PUM3: variants seen among roughly 807,000 people sequenced by gnomAD.
PUM3 encodes pumilio homolog 3.
A neutral mutation model predicts 84.0 loss-of-function variants in PUM3; 91 were observed. The observed-to-expected ratio is 1.08, with a 90% confidence interval of 0.91 to 1.29. The LOEUF is 1.29. PUM3 is among the 50% of genes most tolerant of loss of function. PUM3 has a pLI of 0.00. For synonymous variants in PUM3, 321 were observed against 266.7 expected, an observed-to-expected ratio of 1.20 and a Z score of -1.98; for missense variants, 1,067 against 767.5, an observed-to-expected ratio of 1.39 and a Z score of -4.61.
chr9:2,821,750 G>A (rs1586722443), intron 12 of PUM3, among the ~76,000 whole-genome samples: 3 of 152,132 alleles, frequency 2.0e-5, no homozygotes, highest in South Asian at 2.1e-4. Flanking sequence ...AGTGATTCTA[G>A]TTCTAGGGAT....
At chr9:2,836,199 A>C (rs1329111142) in intron 3 of PUM3, among the ~76,000 whole-genome samples, 1 of 152,152 alleles carries the variant, frequency 6.6e-6, no homozygotes, top group Admixed American at 6.5e-5. Context: ...GCCCTTAGGC[A>C]GGGTAAAAAG....
chr9:2,835,421 A>AC (rs757559632), intron 3 of PUM3, among the ~76,000 whole-genome samples: 59 of 152,190 alleles, frequency 3.9e-4, no homozygotes, highest in Non-Finnish European at 7.2e-4. Context: ...CCCTCAAAAA[A>AC]GAAAAAAATT....
chr9:2,815,335 A>G (rs12345166), intron 13 of PUM3, among the ~76,000 whole-genome samples: 9,014 of 152,220 alleles, frequency 0.059, 364 homozygotes, highest in African/African-American at 0.11. Context: ...TACACCTTTG[A>G]AAGAGTACTA....
intron 17 of PUM3, among the ~76,000 whole-genome samples, chr9:2,807,481 TAGTCTC>T (rs1184091439): frequency 1.3e-5 from 2 of 149,220 alleles, no homozygotes; most frequent in African/African-American, 5.0e-5. Flanking sequence ...CATGCGTCTG[TAGTCTC>T]AGCTACACAG....
At chr9:2,813,854 A>T (rs1202366232) in intron 13 of PUM3, among the ~76,000 whole-genome samples, 2 of 152,144 alleles carry the variant, frequency 1.3e-5, no homozygotes, top group African/African-American at 4.8e-5. Flanking sequence ...ACAGTAGCTA[A>T]CACTCGTTAA....
intron 1 of PUM3, among the ~76,000 whole-genome samples, chr9:2,841,267 T>C (rs1816257402): frequency 6.6e-6 from 1 of 152,254 alleles, no homozygotes; most frequent in Non-Finnish European, 1.5e-5. Flanking sequence ...TTCTTTTTTG[T>C]ATCCATTCAA....
chr9:2,821,461 A>AAAAAAAAAAAAAAAAAAAAAAAAAAAAAC (rs1815624021), intron 12 of PUM3, among the ~76,000 whole-genome samples: 1 of 150,564 alleles, frequency 6.6e-6, no homozygotes, highest in Non-Finnish European at 1.5e-5. Flanking sequence ...AAAAAAAAAA[A>AAAAAAAAAAAAAAAAAAAAAAAAAAAAAC]AGAACATGAA....
chr9:2,838,411 G>A lies in PUM3; in HGVS notation c.82+15C>T. 3.8e-6 allele frequency: 6 copies of A among 1,573,912 alleles called. No individual in the cohort carries two copies. The highest frequency in any genetic ancestry group is 5.2e-6 in the Non-Finnish European group (6 of 1,143,848). Reference sequence around the variant, plus strand: ...ATTATAACAGCCAAACACCCACATGGGAAGCATATCTTACCACTATTTTTA... The same window carrying A: ...ATTATAACAGCCAAACACCCACATGAGAAGCATATCTTACCACTATTTTTA... On this transcript the variant is annotated intron_variant, in intron 2 of 17. Coordinates refer to ENST00000397885, the MANE Select transcript of PUM3 (RefSeq NM_014878.5).
chr9:2,822,430 A>G (rs1401153000), intron 12 of PUM3, among the ~76,000 whole-genome samples: 1 of 152,040 alleles, frequency 6.6e-6, no homozygotes. Flanking sequence ...ATTCCAAATA[A>G]TCCATGGATC....
At chr9:2,807,374 C>T (rs1821279287) in intron 17 of PUM3, among the ~76,000 whole-genome samples, 1 of 151,812 alleles carries the variant, frequency 6.6e-6, no homozygotes, top group Admixed American at 6.6e-5. Flanking sequence ...GATGGGAGGA[C>T]TACTTGAGCC....
rs954882147 is a variant in PUM3 at position 2,831,407 on chromosome 9, T to C, written c.517-63A>G. On this transcript the variant is annotated intron_variant, in intron 5 of 17. Transcript: ENST00000397885. ...GAGACTTATGTTTCTCACTAATTTA[T>C]TGTGACCTCTTCTGGAATTTCTTGT... The C allele has an allele frequency of 1.8e-5, 18 of 1,012,924 alleles. No individual in the cohort carries two copies. The African/African-American group carries it at 2.1e-4, about 12-fold the overall frequency. The allele number at this position is 1,012,924 out of a possible 1,614,324, so 62.7% of individuals were successfully genotyped here.
intron 13 of PUM3, among the ~76,000 whole-genome samples, chr9:2,819,472 C>T (rs1190941891): frequency 6.6e-6 from 1 of 152,114 alleles, no homozygotes; most frequent in South Asian, 2.1e-4. Context: ...TTAATCTGAC[C>T]CTACAAAAGC....
At chr9:2,822,836 TCC>T (rs1436756105) in intron 12 of PUM3, among the ~76,000 whole-genome samples, 1 of 150,694 alleles carries the variant, frequency 6.6e-6, no homozygotes, top group East Asian at 1.9e-4. Context: ...ATATGAGAAT[TCC>T]ATATTTCACT....
chr9:2,814,375 T>C (rs1281484794), intron 13 of PUM3, among the ~76,000 whole-genome samples: 1 of 152,082 alleles, frequency 6.6e-6, no homozygotes, highest in Admixed American at 6.5e-5. Flanking sequence ...GACACCCAGC[T>C]TATTTTTGTA....
At chr9:2,805,442 A>G (rs577174471) in intron 17 of PUM3, among the ~76,000 whole-genome samples, 1 of 152,298 alleles carries the variant, frequency 6.6e-6, no homozygotes, top group South Asian at 2.1e-4. Context: ...AACACATTTT[A>G]GAAATGAGGT....
intron 1 of PUM3, among the ~76,000 whole-genome samples, chr9:2,840,358 C>G (rs939286421): frequency 2.6e-5 from 4 of 152,116 alleles, no homozygotes; most frequent in African/African-American, 9.7e-5. Context: ...AGAATCCAGG[C>G]ATACGTTAAA....
intron 1 of PUM3, among the ~76,000 whole-genome samples, chr9:2,843,103 C>G (rs548910266): frequency 1.1e-4 from 17 of 152,236 alleles, no homozygotes; most frequent in Non-Finnish European, 1.6e-4. Context: ...TTCTCACTTG[C>G]TTACAAGTCT....
chr9:2,833,309 G>C (rs376076926), intron 5 of PUM3, 48 bp downstream of exon 5: 4 of 984,112 alleles, frequency 4.1e-6, no homozygotes, highest in Non-Finnish European at 6.3e-6. Flanking sequence ...CTGAGAGTGA[G>C]GCAACTTCAA....
intron 15 of PUM3, 64 bp downstream of exon 15, chr9:2,811,297 C>T: frequency 1.3e-5 from 18 of 1,430,312 alleles, no homozygotes; most frequent in Middle Eastern, 2.4e-4. Flanking sequence ...CACCCCACAT[C>T]GTCCAAAAAC....
Sources: allele counts gnomAD v4.1 joint callset (sites outside exome capture counted in the v4.1 genomes callset), GRCh38; gene constraint gnomAD v4.1.1; transcripts MANE v1.5; gene names NCBI Gene and HGNC (gene_info 2026-07-23, HGNC 2026-07-21).